ADGRA3: variants seen among roughly 807,000 people sequenced by gnomAD.
ADGRA3 encodes adhesion G protein-coupled receptor A3.
Under a neutral mutation model 119.8 loss-of-function variants are expected in ADGRA3, and 56 were observed. The ratio of observed to expected loss-of-function variants is 0.47; its 90% CI spans 0.38 to 0.58. ADGRA3 has a LOEUF of 0.58. Ranked by LOEUF, ADGRA3 falls within the 20% of genes least tolerant of loss-of-function variation. The pLI is 0.00. For missense variants in ADGRA3, 1,516 were observed against 1,649.0 expected, an observed-to-expected ratio of 0.92 and a Z score of 1.40; for synonymous variants, 607 against 623.8, an observed-to-expected ratio of 0.97 and a Z score of 0.40.
At chr4:22,511,169 T>C (rs932771981) in intron 1 of ADGRA3, among the ~76,000 whole-genome samples, 3 of 152,198 alleles carry the variant, frequency 2.0e-5, no homozygotes, top group Non-Finnish European at 4.4e-5. Context: ...GAACCCACAT[T>C]TAGAAAGGCA....
chr4:22,425,696 G>A (rs1715902301), intron 10 of ADGRA3, among the ~76,000 whole-genome samples: 1 of 152,164 alleles, frequency 6.6e-6, no homozygotes, highest in Admixed American at 6.5e-5. Flanking sequence ...GATCATCCCA[G>A]AAGATCTCCG....
chr4:22,401,454 T>G lies in ADGRA3; in HGVS notation c.2458A>C (p.Arg820=), dbSNP rs1350234991. ...ACTGCTTGGCAGATGCTGGCATTCC[T>G]AGTCTGGGTTATTCCTCCCACAAAG... is the stretch of plus-strand genomic sequence containing the variant. The part of the protein sequence containing the change: ...VVFVGGITQT[R]NASICQAVGI... Residue 820 remains arginine (R), a synonymous_variant, in exon 16 of 19, where the codon AGG becomes CGG. Transcript: ENST00000334304. 2 of 1,609,518 alleles carry G rather than the reference T, an allele frequency of 1.2e-6. No individual in the cohort carries two copies. The highest frequency in any genetic ancestry group is 2.7e-5 in the African/African-American group (2 of 74,868).
At chr4:22,431,095 G>T (rs1216874893) in intron 10 of ADGRA3, among the ~76,000 whole-genome samples, 1 of 152,202 alleles carries the variant, frequency 6.6e-6, no homozygotes, top group Non-Finnish European at 1.5e-5. Flanking sequence ...TGCTGCAGGG[G>T]TAGGGCTCTC....
At chr4:22,506,327 C>A (rs1719239504) in intron 1 of ADGRA3, among the ~76,000 whole-genome samples, 1 of 152,080 alleles carries the variant, frequency 6.6e-6, no homozygotes, top group Non-Finnish European at 1.5e-5. Context: ...CCAAGGTGCA[C>A]CAATCACTTG....
At chr4:22,402,551 A>C in intron 15 of ADGRA3, 124 bp downstream of exon 15, 1 of 918,722 alleles carries the variant, frequency 1.1e-6, no homozygotes, top group Non-Finnish European at 1.7e-6. Context: ...ATATATTCTA[A>C]AGTCATCATC....
At position 22,454,926 on chromosome 4, in the gene ADGRA3, T is replaced by C; in HGVS notation, c.413A>G (p.Asn138Ser). The change falls in exon 4 of 19, where the codon AAC becomes AGC. Residue 138 changes from asparagine (N) to serine (S), a missense_variant. Asn to Ser is a conservative substitution (Grantham distance 46). This residue lies in a region of ADGRA3 where 428 missense variants were observed against 541.9 expected (regional missense o/e 0.79). Transcript: ENST00000334304. ...TGCATTCAGACATCCTATTCGATTG[T>C]TTGTCAGATCCCTAAGGAGAAGGGT... ...LSSLKRLDLT[N>S]NRIGCLNADI... 1 of 1,613,322 alleles carries C rather than the reference T, an allele frequency of 6.2e-7. No homozygotes were observed. The highest frequency in any genetic ancestry group is 1.1e-5 in the South Asian group (1 of 91,058).
At chr4:22,433,481 G>A (rs1560314508) in intron 10 of ADGRA3, among the ~76,000 whole-genome samples, 1 of 152,042 alleles carries the variant, frequency 6.6e-6, no homozygotes, top group South Asian at 2.1e-4. Context: ...ATAAGCCCAT[G>A]GTTAATTAAT....
intron 4 of ADGRA3, among the ~76,000 whole-genome samples, chr4:22,453,325 C>T (rs1472658478): frequency 6.6e-6 from 1 of 151,912 alleles, no homozygotes; most frequent in Non-Finnish European, 1.5e-5. Flanking sequence ...GTTAATTTAA[C>T]TAACTTAAGT....
In ADGRA3 at chr4:22,401,610, TATG is replaced by T; in HGVS notation, c.2358-59_2358-57del. ...TCAGGCTAGTACATAAGGAGAAAAC[TATG>T]ATGTTCATCTTAATTCCAACTTCAT... is the stretch of plus-strand genomic sequence containing the variant. On this transcript the variant is annotated intron_variant, in intron 15 of 18. Coordinates refer to ENST00000334304, the MANE Select transcript of ADGRA3 (RefSeq NM_145290.4). 2.2e-6 allele frequency: 3 copies of T among 1,340,564 alleles called. No individual in the cohort carries two copies. In the South Asian group the frequency reaches 4.2e-5, roughly 19 times the overall value. The allele number at this position is 1,340,564 out of a possible 1,614,324, so 83.0% of individuals were successfully genotyped here. A position where few individuals can be genotyped will look rare whatever the true frequency, so the allele number is the denominator to read the frequency against.
intron 1 of ADGRA3, among the ~76,000 whole-genome samples, chr4:22,480,497 G>C (rs1467132100): frequency 3.3e-5 from 5 of 151,756 alleles, no homozygotes; most frequent in African/African-American, 1.2e-4. Flanking sequence ...GATATACATA[G>C]CAAGACCCGG....
chr4:22,414,734 CCT>C (rs1312552563), intron 12 of ADGRA3: 1 of 585,484 alleles, frequency 1.7e-6, no homozygotes, highest in South Asian at 2.2e-5. Flanking sequence ...AGATGTATCC[CCT>C]GAATGCTCCT....
At chr4:22,468,341 T>C (rs759476708) in intron 2 of ADGRA3, among the ~76,000 whole-genome samples, 1 of 152,126 alleles carries the variant, frequency 6.6e-6, no homozygotes, top group East Asian at 1.9e-4. Context: ...AGGATTAACA[T>C]TGGAAAGTCA....
chr4:22,505,783 T>C (rs1375430001), intron 1 of ADGRA3, among the ~76,000 whole-genome samples: 3 of 151,608 alleles, frequency 2.0e-5, no homozygotes, highest in Non-Finnish European at 4.4e-5. Context: ...AGGGGAGGTA[T>C]GACAGATATT....
At chr4:22,489,611 C>A (rs1718553706) in intron 1 of ADGRA3, among the ~76,000 whole-genome samples, 1 of 152,146 alleles carries the variant, frequency 6.6e-6, no homozygotes, top group African/African-American at 2.4e-5. Flanking sequence ...GAAAAAGATG[C>A]ATAGCTGGAC....
rs1716875206 is a variant in ADGRA3 at position 22,447,501 on chromosome 4, C to T, written c.484G>A (p.Gly162Arg). The T allele has an allele frequency of 1.3e-6, 2 of 1,568,410 alleles. No homozygotes were observed. Among genetic ancestry groups the T allele is most frequent in the Non-Finnish European group, 1.7e-6 (2 of 1,156,026 alleles). ...LTNLVRLNLSGNLFSSLSQGT... is the reference protein window; with the variant it reads ...LTNLVRLNLSRNLFSSLSQGT... The stretch of plus-strand genomic sequence containing the variant: ...TGAGATAATGAAGAAAACAAATTCC[C>T]CGAAAGGTTTCTGAAAGACAGAAAA... The change falls in exon 5 of 19, where the codon GGG becomes AGG. Residue 162 changes from glycine to arginine, a missense_variant. This residue lies in a region of ADGRA3 where 428 missense variants were observed against 541.9 expected (regional missense o/e 0.79). Transcript: ENST00000334304.
chr4:22,511,895 CTTTTTTTT>C (rs5856700), intron 1 of ADGRA3, among the ~76,000 whole-genome samples: 2 of 102,614 alleles, frequency 1.9e-5, no homozygotes, highest in African/African-American at 8.0e-5. Context: ...TTCTTTCTTT[CTTTTTTTT>C]TTTTTTTTTT....
intron 16 of ADGRA3, among the ~76,000 whole-genome samples, chr4:22,401,071 T>C (rs1391665082): frequency 1.3e-5 from 2 of 152,208 alleles, no homozygotes; most frequent in Admixed American, 6.6e-5. Flanking sequence ...ATTTTTGTTT[T>C]CATCAACACA....
In ADGRA3 at chr4:22,421,047, T is replaced by A. The variant is rs762271006; in HGVS notation, c.1648A>T (p.Thr550Ser). 3 of 1,613,992 alleles carry A rather than the reference T, an allele frequency of 1.9e-6. No individual in the cohort carries two copies. Among genetic ancestry groups the A allele is most frequent in the Admixed American group, 1.7e-5 (1 of 60,004 alleles). ...IALEAYVIKS[T>S]GFTGMTCTVF... ...GTACAGGTCATCCCCGTGAAGCCAG[T>A]AGACTTGATGACATAAGCTTCCAGA... Residue 550 changes from threonine to serine, a missense_variant, in exon 12 of 19, where the codon ACT becomes TCT. Physicochemically the swap from Thr to Ser is moderately conservative, Grantham distance 58. Transcript: ENST00000334304.
At chr4:22,469,966 T>C (rs1212759613) in intron 2 of ADGRA3, among the ~76,000 whole-genome samples, 1 of 152,192 alleles carries the variant, frequency 6.6e-6, no homozygotes, top group Non-Finnish European at 1.5e-5. Flanking sequence ...TTGCTTACTA[T>C]GTATATCCTA....
Sources: gnomAD v4.1 joint callset for allele counts (sites outside exome capture counted in the v4.1 genomes callset) on GRCh38, gnomAD v4.1.1 for gene constraint, gnomAD v4.1.1 regional missense constraint, MANE v1.5 for transcripts, NCBI Gene and HGNC (gene_info 2026-07-23, HGNC 2026-07-21) for gene names.